Variants in FAM210A observed in about 807,000 individuals in gnomAD.
FAM210A encodes the protein mitochondrial inner membrane scaffold 1.
FAM210A carries 13 observed loss-of-function variants against 25.3 expected under a neutral mutation model. The observed-to-expected ratio is 0.51, with a 90% confidence interval of 0.33 to 0.82. FAM210A has a LOEUF of 0.82. FAM210A is among the 40% of genes least tolerant of loss of function. The pLI is 0.02. For synonymous variants in FAM210A, 125 were observed against 118.7 expected, an observed-to-expected ratio of 1.05 and a Z score of -0.35; for missense variants, 319 against 323.2, an observed-to-expected ratio of 0.99 and a Z score of 0.10.
intron 1 of FAM210A, among the ~76,000 whole-genome samples, chr18:13,708,521 G>A (rs1325710610): frequency 1.3e-5 from 2 of 152,144 alleles, no homozygotes; most frequent in African/African-American, 4.8e-5. Context: ...CCCTAAGTTA[G>A]CTTATTAGCA....
intron 2 of FAM210A, among the ~76,000 whole-genome samples, chr18:13,677,454 G>T (rs1568478012): frequency 6.6e-6 from 1 of 152,212 alleles, no homozygotes; most frequent in Non-Finnish European, 1.5e-5. Context: ...GGGGGTACGT[G>T]ACTGGGGGCT....
intron 1 of FAM210A, among the ~76,000 whole-genome samples, chr18:13,686,304 C>G (rs953798135): frequency 6.6e-6 from 1 of 152,148 alleles, no homozygotes; most frequent in African/African-American, 2.4e-5. Context: ...CCCACCTCCT[C>G]TGAGCTGTGT....
chr18:13,683,772 A>T (rs542227765), intron 1 of FAM210A, among the ~76,000 whole-genome samples: 91 of 152,278 alleles, frequency 6.0e-4, no homozygotes, highest in Non-Finnish European at 8.2e-4. Context: ...GAGAACAGAC[A>T]CTTTAACTAT....
At chr18:13,707,183 C>T (rs979109437) in intron 1 of FAM210A, among the ~76,000 whole-genome samples, 13 of 152,262 alleles carry the variant, frequency 8.5e-5, no homozygotes, top group African/African-American at 3.1e-4. Context: ...ATAATGGTAA[C>T]TGAGAGTGGC....
chr18:13,678,070 C>G (rs2043519936), intron 2 of FAM210A, among the ~76,000 whole-genome samples: 1 of 152,070 alleles, frequency 6.6e-6, no homozygotes, highest in Non-Finnish European at 1.5e-5. Context: ...TATCTTCTAT[C>G]TTCAGTTTCA....
At chr18:13,724,786 T>G (rs2043921064) in intron 1 of FAM210A, among the ~76,000 whole-genome samples, 1 of 152,132 alleles carries the variant, frequency 6.6e-6, no homozygotes, top group East Asian at 1.9e-4. Flanking sequence ...TTTTGTTTAG[T>G]TTTTTTTGAG....
chr18:13,705,606 G>A (rs777506753), intron 1 of FAM210A, among the ~76,000 whole-genome samples: 8 of 152,040 alleles, frequency 5.3e-5, no homozygotes, highest in Non-Finnish European at 1.2e-4. Flanking sequence ...CGAGTGGCTG[G>A]GACTACAGGC....
Position 13,671,879 on chromosome 18 carries a change from C to T in FAM210A, c.568G>A (p.Ala190Thr). 4 of 1,612,358 alleles carry T rather than the reference C, an allele frequency of 2.5e-6. No individual in the cohort carries two copies. The highest frequency in any genetic ancestry group is 3.4e-6 in the Non-Finnish European group (4 of 1,178,742). Residue 190 changes from alanine (A) to threonine (T), a missense_variant, in exon 3 of 4, where the codon GCA becomes ACA. Transcript: ENST00000651643. ...KNSQSGNALT[A>T]YALFKIATPA... Reference sequence around the variant, plus strand: ...GTACCCACCTTAAACAAGGCATATGCTGTGAGGGCATTTCCACTCTGGGAG... The same window carrying T: ...GTACCCACCTTAAACAAGGCATATGTTGTGAGGGCATTTCCACTCTGGGAG...
intron 1 of FAM210A, among the ~76,000 whole-genome samples, chr18:13,694,353 T>C (rs570371187): frequency 3.8e-4 from 58 of 152,278 alleles, no homozygotes; most frequent in African/African-American, 1.3e-3. Flanking sequence ...CTTCACAGAA[T>C]TGGAAAAAAC....
chr18:13,669,950 A>T (rs569077157), intron 3 of FAM210A, among the ~76,000 whole-genome samples: 1 of 152,340 alleles, frequency 6.6e-6, no homozygotes, highest in African/African-American at 2.4e-5. Context: ...GGGGTTACAG[A>T]TAATACAAAG....
intron 1 of FAM210A, chr18:13,687,950 TC>T (rs2043610659): frequency 1.3e-5 from 2 of 152,256 alleles, no homozygotes; most frequent in African/African-American, 4.8e-5. Context: ...TTTGGATACC[TC>T]CCACCAGTAA....
intron 2 of FAM210A, among the ~76,000 whole-genome samples, chr18:13,675,934 C>T (rs2043494906): frequency 1.8e-4 from 19 of 102,900 alleles, no homozygotes; most frequent in Middle Eastern, 5.7e-3. Context: ...TGAGCCCGAC[C>T]TCTTTATTTC....
intron 1 of FAM210A, among the ~76,000 whole-genome samples, chr18:13,682,570 A>AAAAAT (rs746554481): frequency 1.3e-5 from 2 of 152,246 alleles, no homozygotes; most frequent in Non-Finnish European, 2.9e-5. Context: ...TCCAGCTCAG[A>AAAAAT]AAAATAAAAT....
intron 1 of FAM210A, among the ~76,000 whole-genome samples, chr18:13,683,785 C>G (rs758986735): frequency 1.3e-5 from 2 of 152,126 alleles, no homozygotes; most frequent in Non-Finnish European, 2.9e-5. Flanking sequence ...TTAACTATAT[C>G]CTAAGTAACA....
rs1359915771 is a variant in FAM210A at position 13,682,053 on chromosome 18, C to T, written c.25G>A (p.Val9Ile). The T allele has an allele frequency of 1.2e-6, 2 of 1,607,348 alleles. No individual in the cohort carries two copies. Among genetic ancestry groups the T allele is most frequent in the Admixed American group, 3.4e-5 (2 of 59,476 alleles). ...CATGTCCTGCGTGCCAGTCGAGATA[C>T]AGTCCGTGGTACATTCCATTGCATT... MQWNVPRT[V>I]SRLARRTCLE... is the part of the protein sequence containing the mutation. The change falls in exon 2 of 4, where the codon GTA (valine) becomes ATA (isoleucine). Residue 9 changes from valine (V) to isoleucine (I), a missense_variant. By Grantham distance (29) the Val-to-Ile change is conservative. Coordinates refer to ENST00000651643, the MANE Select transcript of FAM210A (RefSeq NM_152352.4).
In FAM210A at chr18:13,681,947, T is replaced by C. The variant is rs1377295974; in HGVS notation, c.131A>G (p.Lys44Arg). 2 of 1,614,180 alleles carry C rather than the reference T, an allele frequency of 1.2e-6. No homozygotes were observed. Among genetic ancestry groups the C allele is most frequent in the African/African-American group, 1.3e-5 (1 of 75,046 alleles). Residue 44 changes from lysine to arginine, a missense_variant, in exon 2 of 4, where the codon AAA (lysine) becomes AGA (arginine). Coordinates refer to ENST00000651643, the MANE Select transcript of FAM210A (RefSeq NM_152352.4). ...GPLLLYNAES[K>R]VVLVQGPQKQ... ...TTGAGGGCCTTGTACCAAAACCACTTTGGATTCAGCATTGTATAAAAGTAA... is the reference window on the plus strand; with the variant it reads ...TTGAGGGCCTTGTACCAAAACCACTCTGGATTCAGCATTGTATAAAAGTAA...
intron 3 of FAM210A, among the ~76,000 whole-genome samples, chr18:13,669,384 C>T (rs1010791743): frequency 6.6e-5 from 10 of 152,288 alleles, no homozygotes; most frequent in East Asian, 1.9e-4. Context: ...TCTGATGACA[C>T]GCCATTCTCT....
In FAM210A at chr18:13,721,195, G is replaced by T. The variant is rs116703472; in HGVS notation, c.-29+5134C>A. ...GTGTTGGAAAGTTGACATTCCCGAGGTAGGACAGTGAAGGTGTATTTTTGG... is the reference window on the plus strand; with the variant it reads ...GTGTTGGAAAGTTGACATTCCCGAGTTAGGACAGTGAAGGTGTATTTTTGG... On this transcript the variant is annotated intron_variant, in intron 1 of 3. Transcript: ENST00000651643. 3.8e-3 allele frequency among the ~76,000 whole-genome samples: 584 copies of T among 152,266 alleles called. 2 individuals carry two copies. Among genetic ancestry groups the T allele is most frequent in the African/African-American group, 0.012 (518 of 41,542 alleles).
intron 1 of FAM210A, among the ~76,000 whole-genome samples, chr18:13,721,823 T>C (rs2043900056): frequency 6.6e-6 from 1 of 152,176 alleles, no homozygotes; most frequent in African/African-American, 2.4e-5. Flanking sequence ...CTGGAATTAG[T>C]GTCAGTTCAG....
Sources: allele counts gnomAD v4.1 joint callset (sites outside exome capture counted in the v4.1 genomes callset), GRCh38; gene constraint gnomAD v4.1.1; transcripts MANE v1.5; gene names NCBI Gene and HGNC (gene_info 2026-07-23, HGNC 2026-07-21).